Variants in SLIT2 observed in about 807,000 individuals in gnomAD.
SLIT2 encodes the protein slit homolog 2 protein.
In SLIT2, 41 loss-of-function variants were observed where a neutral mutation model predicts 185.7. The ratio of observed to expected loss-of-function variants is 0.22; its 90% CI spans 0.17 to 0.29. The LOEUF (loss-of-function observed/expected upper bound fraction) is 0.29, where lower values mean the gene tolerates loss of function less well. Ranked by LOEUF, SLIT2 falls within the 10% of genes least tolerant of loss-of-function variation. The probability of loss-of-function intolerance (pLI) is 1.00; values close to 1 mark genes in which losing one functional copy is unlikely to be tolerated. For synonymous variants in SLIT2, 693 were observed against 680.2 expected (o/e 1.02, Z -0.29); for missense variants, 1,571 against 1,909.0 (o/e 0.82, Z 3.30).
chr4:20,534,351 C>T (rs1251994639), intron 18 of SLIT2, among the ~76,000 whole-genome samples: 1 of 152,084 alleles, frequency 6.6e-6, no homozygotes, highest in Admixed American at 6.6e-5. Flanking sequence ...TGTCTACTTG[C>T]TCAGGGGTAG....
chr4:20,395,658 A>G (rs2109382144), intron 4 of SLIT2, among the ~76,000 whole-genome samples: 1 of 152,158 alleles, frequency 6.6e-6, no homozygotes, highest in South Asian at 2.1e-4. Flanking sequence ...AATAAAATAC[A>G]TTACCTTTAT....
chr4:20,509,228 T>G (rs1047643109), intron 9 of SLIT2, among the ~76,000 whole-genome samples: 1 of 151,838 alleles, frequency 6.6e-6, no homozygotes, highest in Non-Finnish European at 1.5e-5. Context: ...CTCATGCCAG[T>G]TGAGCTTTAT....
intron 4 of SLIT2, among the ~76,000 whole-genome samples, chr4:20,293,908 C>T (rs977885461): frequency 2.0e-5 from 3 of 151,876 alleles, no homozygotes; most frequent in East Asian, 1.9e-4. Flanking sequence ...ACCTGGTCCA[C>T]GGACACCAAT....
chr4:20,252,459 C>T lies in SLIT2; in HGVS notation c.-1357C>T, dbSNP rs936244642. ...GCGGCCGCCGCGTCAGGTGCAGCGCCAGGAGCCGGGCGGCGTCGCCACGCC... is the reference window on the plus strand; with the variant it reads ...GCGGCCGCCGCGTCAGGTGCAGCGCTAGGAGCCGGGCGGCGTCGCCACGCC... On this transcript the variant is annotated 5_prime_UTR_variant, in exon 1 of 37. Transcript: ENST00000504154. Among the ~76,000 whole-genome samples, 1 of 152,162 alleles carries T rather than the reference C, an allele frequency of 6.6e-6. No individual in the cohort carries two copies. Among genetic ancestry groups the T allele is most frequent in the African/African-American group, 2.4e-5 (1 of 41,446 alleles).
intron 9 of SLIT2, among the ~76,000 whole-genome samples, chr4:20,495,288 T>A (rs1275129841): frequency 6.6e-6 from 1 of 152,172 alleles, no homozygotes; most frequent in African/African-American, 2.4e-5. Flanking sequence ...CAGAAACCTG[T>A]CATCATTAGA....
At chr4:20,497,524 G>A (rs193249791) in intron 9 of SLIT2, among the ~76,000 whole-genome samples, 120 of 152,274 alleles carry the variant, frequency 7.9e-4, no homozygotes, top group African/African-American at 2.7e-3. Context: ...TGAAGAGAAC[G>A]TAGACAAGGC....
intron 4 of SLIT2, among the ~76,000 whole-genome samples, chr4:20,289,517 G>A (rs924409758): frequency 3.3e-5 from 5 of 151,926 alleles, no homozygotes; most frequent in African/African-American, 1.2e-4. Flanking sequence ...CCTCATCCAA[G>A]AAAAAAACCC....
At chr4:20,458,904 T>C (rs976895405) in intron 4 of SLIT2, among the ~76,000 whole-genome samples, 4 of 152,222 alleles carry the variant, frequency 2.6e-5, no homozygotes, top group African/African-American at 4.8e-5. Flanking sequence ...GCTCAATAAA[T>C]GTTAGCTTTG....
intron 4 of SLIT2, among the ~76,000 whole-genome samples, chr4:20,392,764 C>T (rs908044905): frequency 2.6e-5 from 4 of 152,060 alleles, no homozygotes; most frequent in South Asian, 4.1e-4. Context: ...TACACAGGAT[C>T]ATCAATATCA....
intron 6 of SLIT2, 55 bp downstream of exon 6, chr4:20,480,842 A>G (rs1190631881): frequency 7.9e-7 from 1 of 1,258,092 alleles, no homozygotes; most frequent in Admixed American, 1.7e-5. Flanking sequence ...TCTGGACAGG[A>G]CTAATGTGGA....
At chr4:20,397,916 T>C (rs1023497116) in intron 4 of SLIT2, among the ~76,000 whole-genome samples, 4 of 151,828 alleles carry the variant, frequency 2.6e-5, no homozygotes, top group Non-Finnish European at 4.4e-5. Flanking sequence ...TCAAAGATGA[T>C]ACCCATGGTG....
chr4:20,370,259 A>C (rs1257680829), intron 4 of SLIT2, among the ~76,000 whole-genome samples: 3 of 152,108 alleles, frequency 2.0e-5, no homozygotes, highest in African/African-American at 7.2e-5. Context: ...CCTTTCCACA[A>C]AGATTGGCTG....
intron 4 of SLIT2, among the ~76,000 whole-genome samples, chr4:20,328,671 A>G (rs1719801685): frequency 6.6e-6 from 1 of 152,106 alleles, no homozygotes; most frequent in African/African-American, 2.4e-5. Flanking sequence ...ATTAGATTTT[A>G]CTTATGTCCT....
rs572121706 is a variant in SLIT2, at chr4:20,361,965, G to A, written c.395+93084G>A. On this transcript the variant is annotated intron_variant, in intron 4 of 36. Transcript: ENST00000504154. ...TTCAAAAAAGTTTAAAATTATTTTC[G>A]ACCTTAATTCAAAATACACCATTCA... Among the ~76,000 whole-genome samples the A allele has an allele frequency of 1.9e-4, 29 of 151,858 alleles. No homozygotes were observed. The South Asian group carries it at 5.0e-3, about 26-fold the overall frequency.
chr4:20,360,133 G>A (rs1181904664), intron 4 of SLIT2, among the ~76,000 whole-genome samples: 1 of 151,972 alleles, frequency 6.6e-6, no homozygotes, highest in Non-Finnish European at 1.5e-5. Flanking sequence ...AGATACATAG[G>A]GATAGGAAAA....
In SLIT2 at chr4:20,416,552, A is replaced by C. The variant is rs546322950; in HGVS notation, c.396-51200A>C. 5.3e-5 allele frequency among the ~76,000 whole-genome samples: 8 copies of C among 152,194 alleles called. No individual in the cohort carries two copies. The East Asian group carries it at 1.4e-3, about 26-fold the overall frequency. On this transcript the variant is annotated intron_variant, in intron 4 of 36. Coordinates refer to ENST00000504154, the MANE Select transcript of SLIT2 (RefSeq NM_004787.4). ...TAATGATTCTGAGATACTGAGAAAA[A>C]TGCTCCATTTCAGGTATTTTTAAAT... is the stretch of plus-strand genomic sequence containing the variant.
chr4:20,275,182 T>C (rs1238833714), intron 4 of SLIT2, among the ~76,000 whole-genome samples: 2 of 152,176 alleles, frequency 1.3e-5, no homozygotes, highest in Admixed American at 6.5e-5. Flanking sequence ...TATATTTAGG[T>C]AATTTTAATG....
intron 4 of SLIT2, among the ~76,000 whole-genome samples, chr4:20,339,963 G>A (rs1720827127): frequency 6.6e-6 from 1 of 152,176 alleles, no homozygotes; most frequent in African/African-American, 2.4e-5. Flanking sequence ...TTTAAGTATA[G>A]TAATTTGTTC....
intron 16 of SLIT2, 96 bp from the exon 17 acceptor site, chr4:20,531,888 T>C: frequency 1.6e-6 from 1 of 644,274 alleles, no homozygotes; most frequent in Non-Finnish European, 2.7e-6. Context: ...TTTCCTGGTA[T>C]CATTAAATAA....
Sources: gnomAD v4.1 joint callset for allele counts (sites outside exome capture counted in the v4.1 genomes callset) on GRCh38, gnomAD v4.1.1 for gene constraint, MANE v1.5 for transcripts, NCBI Gene and HGNC (gene_info 2026-07-23, HGNC 2026-07-21) for gene names.